Variants in CAPS2 observed in about 807,000 individuals in gnomAD.
CAPS2 encodes the protein calcyphosin-2.
Under a neutral mutation model 86.5 loss-of-function variants are expected in CAPS2, and 98 were observed. The ratio of observed to expected loss-of-function variants is 1.13; its 90% CI spans 0.96 to 1.34. The LOEUF is 1.34. CAPS2 is among the 40% of genes most tolerant of loss of function. CAPS2 has a pLI of 0.00. For synonymous variants in CAPS2, 210 were observed against 225.1 expected, an observed-to-expected ratio of 0.93 and a Z score of 0.60; for missense variants, 729 against 686.8, an observed-to-expected ratio of 1.06 and a Z score of -0.69.
chr12:75,316,510 T>C (rs2039780168), intron 5 of CAPS2, 76 bp from the exon 6 acceptor site: 1 of 1,291,608 alleles, frequency 7.7e-7, no homozygotes, highest in Non-Finnish European at 1.0e-6. Context: ...TGGGAATAGA[T>C]AACTACGGAA....
intron 1 of CAPS2, among the ~76,000 whole-genome samples, chr12:75,341,990 G>T (rs1241721867): frequency 6.6e-6 from 1 of 152,058 alleles, no homozygotes; most frequent in African/African-American, 2.4e-5. Flanking sequence ...TGATCCACCC[G>T]CCTTGGCCTC....
chr12:75,300,986 T>G (rs541521245), intron 8 of CAPS2, among the ~76,000 whole-genome samples: 1 of 152,290 alleles, frequency 6.6e-6, no homozygotes, highest in East Asian at 1.9e-4. Context: ...CTGAATGAAG[T>G]TCGAACTTTG....
chr12:75,358,515 G>A (rs144932432), intron 1 of CAPS2, among the ~76,000 whole-genome samples: 4 of 150,854 alleles, frequency 2.7e-5, no homozygotes, highest in African/African-American at 7.3e-5. Context: ...CCTGATGAAG[G>A]CTCCTAACAA....
At chr12:75,343,981 T>C (rs751660895) in intron 1 of CAPS2, 2 of 1,479,032 alleles carry the variant, frequency 1.4e-6, no homozygotes, top group Non-Finnish European at 1.8e-6. Flanking sequence ...TATTTGTGCA[T>C]ATTTTAATTG....
At chr12:75,384,668 C>G (rs1488101491) in intron 1 of CAPS2, among the ~76,000 whole-genome samples, 1 of 152,110 alleles carries the variant, frequency 6.6e-6, no homozygotes. Context: ...CAGCATTACC[C>G]TAATACCAAA....
intron 1 of CAPS2, among the ~76,000 whole-genome samples, chr12:75,372,523 G>A (rs1304121966): frequency 6.6e-6 from 1 of 152,124 alleles, no homozygotes; most frequent in Non-Finnish European, 1.5e-5. Flanking sequence ...CATGGGAACA[G>A]GAAGCAAAAA....
At chr12:75,383,943 T>C (rs1181107551) in intron 1 of CAPS2, among the ~76,000 whole-genome samples, 1 of 151,960 alleles carries the variant, frequency 6.6e-6, no homozygotes, top group Non-Finnish European at 1.5e-5. Context: ...AGAAAAAATC[T>C]CAAAAGAAAT....
intron 1 of CAPS2, among the ~76,000 whole-genome samples, chr12:75,387,795 T>A (rs1457394700): frequency 2.0e-5 from 3 of 152,182 alleles, no homozygotes; most frequent in Admixed American, 2.0e-4. Context: ...AATCACTTCT[T>A]AAAGGCTCCA....
At chr12:75,300,285 G>A (rs1027537229) in intron 8 of CAPS2, among the ~76,000 whole-genome samples, 7 of 151,878 alleles carry the variant, frequency 4.6e-5, no homozygotes, top group Non-Finnish European at 8.8e-5. Flanking sequence ...GGCCGGGCGC[G>A]GTGGCTCACA....
intron 1 of CAPS2, among the ~76,000 whole-genome samples, chr12:75,358,589 C>T (rs1308209695): frequency 6.6e-6 from 1 of 150,758 alleles, no homozygotes; most frequent in Non-Finnish European, 1.5e-5. Flanking sequence ...TGACCACTAA[C>T]ATTATGCCTA....
chr12:75,363,358 T>G (rs1390426823), intron 1 of CAPS2, among the ~76,000 whole-genome samples: 1 of 152,206 alleles, frequency 6.6e-6, no homozygotes, highest in Non-Finnish European at 1.5e-5. Flanking sequence ...ACTCAGATGA[T>G]TCCTGCTTTC....
chr12:75,350,229 A>G (rs1285110537), intron 1 of CAPS2, among the ~76,000 whole-genome samples: 1 of 152,214 alleles, frequency 6.6e-6, no homozygotes, highest in Non-Finnish European at 1.5e-5. Context: ...TTATGGACAG[A>G]TCTCTGATTT....
chr12:75,298,435 A>G, intron 11 of CAPS2: 1 of 461,404 alleles, frequency 2.2e-6, no homozygotes, highest in Non-Finnish European at 3.9e-6. Flanking sequence ...ATCTGGAGAC[A>G]ACCCATGTTG....
intron 2 of CAPS2, among the ~76,000 whole-genome samples, chr12:75,324,648 G>A (rs2040600755): frequency 6.6e-6 from 1 of 151,980 alleles, no homozygotes; most frequent in Admixed American, 6.6e-5. Flanking sequence ...CTTCAGAAAT[G>A]TCAATATTGT....
rs536294474 is a variant in CAPS2, at chr12:75,340,504, G to T, written c.-394-17282C>A. On this transcript the variant is annotated intron_variant, in intron 1 of 5. Transcript: ENST00000551829. ...AACAGGAGAAAATCCTCAGGACAGG[G>T]CTAGATGAAACTTCCTCATATAATG... is the stretch of plus-strand genomic sequence containing the variant. Among the ~76,000 whole-genome samples, 3 of 151,828 alleles carry T rather than the reference G, an allele frequency of 2.0e-5. No homozygotes were observed. In the South Asian group the frequency reaches 6.2e-4, roughly 32 times the overall value.
At chr12:75,360,994 C>G (rs534164337) in intron 1 of CAPS2, 2 of 152,098 alleles carry the variant, frequency 1.3e-5, no homozygotes, top group Non-Finnish European at 2.9e-5. Context: ...GTCTCACAAC[C>G]AGGAAGAATT....
At chr12:75,297,133 A>G (rs1193913983) in intron 11 of CAPS2, among the ~76,000 whole-genome samples, 1 of 151,980 alleles carries the variant, frequency 6.6e-6, no homozygotes, top group Non-Finnish European at 1.5e-5. Context: ...CATAAAAAAG[A>G]ACAGAGTTCC....
chr12:75,285,173 C>A, intron 14 of CAPS2, 93 bp from the exon 15 acceptor site: 1 of 1,190,782 alleles, frequency 8.4e-7, no homozygotes, highest in Non-Finnish European at 1.2e-6. Flanking sequence ...CTTCTGTAGT[C>A]CTAGATATAA....
chr12:75,279,009 A>G lies in CAPS2; in HGVS notation c.1669T>C (p.Cys557Arg), dbSNP rs776111217. Residue 557 changes from cysteine to arginine, a missense_variant, in exon 17 of 17, where the codon TGC (cysteine) becomes CGC (arginine). Cys to Arg is a radical substitution (Grantham distance 180, BLOSUM62 -3). Transcript: ENST00000393284. ...TATGACACTTCATCAGACTTGCTGC[A>G]GGCAACTTTTAATGTTTCTAGAAAG... is the stretch of plus-strand genomic sequence containing the variant. 1.4e-5 allele frequency: 22 copies of G among 1,610,626 alleles called. No individual in the cohort carries two copies. The South Asian group carries it at 2.4e-4, about 18-fold the overall frequency.
Sources: allele counts gnomAD v4.1 joint callset (sites outside exome capture counted in the v4.1 genomes callset), GRCh38; gene constraint gnomAD v4.1.1; transcripts MANE v1.5; gene names NCBI Gene and HGNC (gene_info 2026-07-23, HGNC 2026-07-21).